The following TRAP1 variants were observed in gnomAD, a reference collection of about 807,000 sequenced individuals.
TRAP1 encodes heat shock protein 75 kDa, mitochondrial.
TRAP1 carries 102 observed loss-of-function variants against 89.1 expected under a neutral mutation model. The ratio of observed to expected loss-of-function variants is 1.15; its 90% CI spans 0.98 to 1.35. The LOEUF (loss-of-function observed/expected upper bound fraction) is 1.35, where lower values mean the gene tolerates loss of function less well. Among genes scored for constraint, TRAP1 ranks in the 40% most tolerant of loss-of-function variants. The pLI is 0.00. For missense variants in TRAP1, 1,256 were observed against 945.3 expected (o/e 1.33, Z -4.31); for synonymous variants, 508 against 388.0 (o/e 1.31, Z -3.64).
At chr16:3,676,480 G>A (rs925438790) in intron 6 of TRAP1, 31 of 190,080 alleles carry the variant, frequency 1.6e-4, no homozygotes, top group African/African-American at 6.3e-4. Context: ...GCTCCAAATC[G>A]GGTGCCAGAT....
At chr16:3,713,454 G>T (rs1364356431) in intron 1 of TRAP1, among the ~76,000 whole-genome samples, 1 of 152,128 alleles carries the variant, frequency 6.6e-6, no homozygotes, top group Non-Finnish European at 1.5e-5. Flanking sequence ...GCTGGCAGGG[G>T]ACCTACTCTC....
chr16:3,658,777 A>G lies in TRAP1; in HGVS notation c.2013+16T>C. 6.2e-7 allele frequency: 1 copy of G among 1,611,358 alleles called. No individual in the cohort carries two copies. Among genetic ancestry groups the G allele is most frequent in the East Asian group, 2.2e-5 (1 of 44,830 alleles). On this transcript the variant is annotated intron_variant, in intron 17 of 17. Coordinates refer to ENST00000246957, the MANE Select transcript of TRAP1 (RefSeq NM_016292.3). ...TAGCCTGGGTCCCTGCAGTCATCCT[A>G]AGCTGCTGCACTCACCTGATCCACC...
rs974219321 is a variant in TRAP1, at chr16:3,702,294, AG to A, written c.89-11310del. ...AAGTGGACCCAGCAAACACAGAGGG[AG>A]GGGGCCTGAGGCACAAACACAGACA... On this transcript the variant is annotated intron_variant, in intron 1 of 17. Transcript: ENST00000246957. Among the ~76,000 whole-genome samples the A allele has an allele frequency of 3.2e-4, 48 of 151,882 alleles. 2 individuals carry two copies. The highest frequency in any genetic ancestry group is 1.1e-3 in the African/African-American group (47 of 41,208).
intron 1 of TRAP1, among the ~76,000 whole-genome samples, chr16:3,706,966 G>A (rs565144854): frequency 3.9e-5 from 6 of 151,980 alleles, no homozygotes; most frequent in East Asian, 1.9e-4. Context: ...TGCAGAGGTC[G>A]CACCGTTTTA....
At chr16:3,663,057 C>G in intron 14 of TRAP1, 90 bp from the exon 15 acceptor site, 1 of 979,468 alleles carries the variant, frequency 1.0e-6, no homozygotes, top group Non-Finnish European at 1.5e-6. Flanking sequence ...CAGCTCCCAC[C>G]TCCTCTCCCA....
chr16:3,680,821 C>T (rs958265197), intron 4 of TRAP1, among the ~76,000 whole-genome samples: 5 of 152,200 alleles, frequency 3.3e-5, no homozygotes, highest in Non-Finnish European at 7.3e-5. Context: ...CCCCTTCCAC[C>T]TTCTGTATGA....
At chr16:3,664,655 T>TG in intron 12 of TRAP1, 196 bp from the exon 13 acceptor site, 1 of 593,724 alleles carries the variant, frequency 1.7e-6, no homozygotes, top group South Asian at 2.4e-5. Flanking sequence ...TTGGGAGCTC[T>TG]GGGGGCTTAG....
chr16:3,717,430 C>A lies in TRAP1; in HGVS notation c.79G>T (p.Val27Leu), dbSNP rs2051612501. The A allele has an allele frequency of 2.4e-6, 3 of 1,245,940 alleles. No individual in the cohort carries two copies. The highest frequency in any genetic ancestry group is 3.0e-6 in the Non-Finnish European group (3 of 994,166). 77.2% of individuals were successfully genotyped at this position (1,245,940 alleles called of 1,614,324 possible). A position where few individuals can be genotyped will look rare whatever the true frequency, so the allele number is the denominator to read the frequency against. Reference sequence around the variant, plus strand: ...GCCAGGACGCCCTCACCTCCCGGCACGGCCGCCAGCGCCGGCGCCCGCAGC... The same window carrying A: ...GCCAGGACGCCCTCACCTCCCGGCAAGGCCGCCAGCGCCGGCGCCCGCAGC... ...PLLRAPALAA[V>L]PGGKPILCPR... Residue 27 changes from valine to leucine, a missense_variant, in exon 1 of 18, where the codon GTG becomes TTG. Coordinates refer to ENST00000246957, the MANE Select transcript of TRAP1 (RefSeq NM_016292.3).
chr16:3,667,266 G>A (rs1387455225), intron 11 of TRAP1, among the ~76,000 whole-genome samples: 1 of 152,138 alleles, frequency 6.6e-6, no homozygotes, highest in Non-Finnish European at 1.5e-5. Flanking sequence ...GACACCCGCA[G>A]AAGAGGGCAG....
intron 4 of TRAP1, among the ~76,000 whole-genome samples, chr16:3,682,163 A>G (rs1412917932): frequency 3.9e-5 from 6 of 152,170 alleles, no homozygotes; most frequent in Non-Finnish European, 5.9e-5. Context: ...TAAACAAAAC[A>G]TAAACCTCAA....
At chr16:3,708,089 T>A (rs1353981012) in intron 1 of TRAP1, among the ~76,000 whole-genome samples, 1 of 151,830 alleles carries the variant, frequency 6.6e-6, no homozygotes, top group Non-Finnish European at 1.5e-5. Flanking sequence ...TCACAGCCAC[T>A]TGGGAGGATG....
At chr16:3,662,818 C>G in intron 15 of TRAP1, 64 bp downstream of exon 15, 2 of 1,540,680 alleles carry the variant, frequency 1.3e-6, no homozygotes, top group Non-Finnish European at 1.8e-6. Context: ...CTGGGAGCCA[C>G]CAGCTGGCCA....
Position 3,671,201 on chromosome 16 carries a change from C to G in TRAP1, c.1235+521G>C, listed in dbSNP as rs962373666. The stretch of plus-strand genomic sequence containing the variant: ...GCCCTATGTGGCTGCCAATCTACCC[C>G]ACCCTAAACCATCAACAGCAGTCAT... On this transcript the variant is annotated intron_variant, in intron 11 of 17. Coordinates refer to ENST00000246957, the MANE Select transcript of TRAP1 (RefSeq NM_016292.3). 3.9e-5 allele frequency among the ~76,000 whole-genome samples: 6 copies of G among 152,288 alleles called. No individual in the cohort carries two copies. In the Middle Eastern group the frequency reaches 0.014, roughly 345 times the overall value.
At chr16:3,675,970 C>T in intron 7 of TRAP1, 66 bp downstream of exon 7, 1 of 1,387,282 alleles carries the variant, frequency 7.2e-7, no homozygotes, top group East Asian at 2.3e-5. Flanking sequence ...AAAATGCCTG[C>T]TGACCTGGTG....
intron 7 of TRAP1, 101 bp downstream of exon 7, chr16:3,675,935 A>AGG (rs1441417928): frequency 2.6e-5 from 27 of 1,040,884 alleles, no homozygotes; most frequent in Non-Finnish European, 3.5e-5. Flanking sequence ...CTGCCTGTGC[A>AGG]CCCTACGTGC....
intron 1 of TRAP1, among the ~76,000 whole-genome samples, chr16:3,709,642 T>C (rs1043772306): frequency 6.7e-6 from 1 of 149,132 alleles, no homozygotes; most frequent in Admixed American, 6.6e-5. Flanking sequence ...TTTACCTTTG[T>C]TTCCCTTTTT....
At chr16:3,705,240 A>AT (rs954766917) in intron 1 of TRAP1, among the ~76,000 whole-genome samples, 30 of 148,024 alleles carry the variant, frequency 2.0e-4, no homozygotes, top group Admixed American at 4.7e-4. Context: ...AATTTTTTGT[A>AT]TTTTTTTTTT....
intron 15 of TRAP1, 74 bp downstream of exon 15, chr16:3,662,808 C>A: frequency 2.0e-6 from 3 of 1,465,028 alleles, no homozygotes; most frequent in Non-Finnish European, 2.9e-6. Context: ...GGGCCAGGTA[C>A]TGGGAGCCAC....
intron 1 of TRAP1, among the ~76,000 whole-genome samples, chr16:3,704,650 C>T (rs1048483404): frequency 4.0e-5 from 6 of 151,826 alleles, no homozygotes; most frequent in African/African-American, 7.3e-5. Context: ...CTCAGGAGCT[C>T]GAGGCCAGCC....
Sources: allele counts gnomAD v4.1 joint callset (sites outside exome capture counted in the v4.1 genomes callset), GRCh38; gene constraint gnomAD v4.1.1; transcripts MANE v1.5; gene names NCBI Gene and HGNC (gene_info 2026-07-23, HGNC 2026-07-21).